Variants in ZBTB38 observed in about 807,000 individuals in gnomAD.
ZBTB38 encodes zinc finger and BTB domain-containing protein 38.
A neutral mutation model predicts 76.8 loss-of-function variants in ZBTB38; 20 were observed. The ratio of observed to expected loss-of-function variants is 0.26; its 90% CI spans 0.18 to 0.38. The LOEUF (loss-of-function observed/expected upper bound fraction) is 0.38, where lower values mean the gene tolerates loss of function less well. Among genes scored for constraint, ZBTB38 ranks in the 10% least tolerant of loss-of-function variants. The pLI is 1.00. For missense variants in ZBTB38, 1,082 were observed against 1,482.3 expected (o/e 0.73, Z 4.43); for synonymous variants, 504 against 544.2 (o/e 0.93, Z 1.03).
intron 1 of ZBTB38, among the ~76,000 whole-genome samples, chr3:141,357,492 GTCA>G (rs1943695197): frequency 6.6e-6 from 1 of 152,010 alleles, no homozygotes; most frequent in African/African-American, 2.4e-5. Context: ...TGGTATTTTT[GTCA>G]TCTTTTGTTT....
At chr3:141,392,596 G>A (rs1047153553) in intron 4 of ZBTB38, 1 of 152,244 alleles carries the variant, frequency 6.6e-6, no homozygotes, top group Non-Finnish European at 1.5e-5. Context: ...TGGACTTTGT[G>A]TCTTGACCTC....
chr3:141,324,513 C>G (rs1007104308), intron 1 of ZBTB38: 1 of 152,186 alleles, frequency 6.6e-6, no homozygotes, highest in African/African-American at 2.4e-5. Flanking sequence ...TGCTTTCCTT[C>G]TCATGAATTC....
At chr3:141,373,228 A>T (rs1463703496) in intron 2 of ZBTB38, among the ~76,000 whole-genome samples, 1 of 152,254 alleles carries the variant, frequency 6.6e-6, no homozygotes, top group Non-Finnish European at 1.5e-5. Context: ...GGGAAAAGTT[A>T]GACTTTGTTG....
chr3:141,406,520 CTG>C (rs768563920), intron 5 of ZBTB38, among the ~76,000 whole-genome samples: 16 of 152,146 alleles, frequency 1.1e-4, no homozygotes, highest in Non-Finnish European at 2.1e-4. Context: ...TTTAGAGGTG[CTG>C]TGTTTGCAGT....
At chr3:141,440,259 C>T (rs2079820210) in intron 5 of ZBTB38, among the ~76,000 whole-genome samples, 1 of 152,214 alleles carries the variant, frequency 6.6e-6, no homozygotes, top group South Asian at 2.1e-4. Flanking sequence ...AGAATTAAAA[C>T]AGAAACATGG....
chr3:141,407,940 C>T (rs1955185947), intron 5 of ZBTB38, among the ~76,000 whole-genome samples: 1 of 152,228 alleles, frequency 6.6e-6, no homozygotes, highest in Non-Finnish European at 1.5e-5. Flanking sequence ...CACCCCGCAT[C>T]ATCTCATTGC....
chr3:141,371,045 C>CTTTCTTTTT (rs1944498561), intron 2 of ZBTB38, among the ~76,000 whole-genome samples: 27 of 72,010 alleles, frequency 3.7e-4, no homozygotes, highest in Non-Finnish European at 6.0e-4. Context: ...TTCTTTCTTT[C>CTTTCTTTTT]TTTTTTTTTT....
At chr3:141,354,254 T>A (rs892846700) in intron 1 of ZBTB38, among the ~76,000 whole-genome samples, 5 of 152,120 alleles carry the variant, frequency 3.3e-5, no homozygotes, top group Non-Finnish European at 7.4e-5. Context: ...CTGCTAATCC[T>A]CTTTAAACCC....
chr3:141,442,381 T>C lies in ZBTB38; in HGVS notation c.1-8T>C. 1 of 1,597,242 alleles carries C rather than the reference T, an allele frequency of 6.3e-7. No homozygotes were observed. The highest frequency in any genetic ancestry group is 8.6e-7 in the Non-Finnish European group (1 of 1,168,382). On this transcript the variant is annotated splice_region_variant and splice_polypyrimidine_tract_variant and intron_variant, in intron 5 of 5. Transcript: ENST00000321464. The surrounding 1 kb of genome is among the most constrained non-coding windows in gnomAD (Gnocchi z 6.4). ...GATTATCTGACCATTTCTCTCCTCT[T>C]GTTTCAGATGACAGTCATGTCCCTT...
At position 141,448,405 on chromosome 3, in the gene ZBTB38, T is replaced by C. The variant is rs759315009; in HGVS notation, c.*2429T>C. 8 of 152,670 alleles carry C rather than the reference T, an allele frequency of 5.2e-5. No individual in the cohort carries two copies. Among genetic ancestry groups the C allele is most frequent in the African/African-American group, 1.2e-4 (5 of 41,476 alleles). 9.5% of individuals were successfully genotyped at this position (152,670 alleles called of 1,614,324 possible). A position where few individuals can be genotyped will look rare whatever the true frequency, so the allele number is the denominator to read the frequency against. On this transcript the variant is annotated 3_prime_UTR_variant, in exon 6 of 6. Transcript: ENST00000321464. The stretch of plus-strand genomic sequence containing the variant: ...TTGTAATTCTGTATATTCTATACAA[T>C]TTATAGCAGAGCCGTTTTAAGACAG...
At chr3:141,375,535 C>T (rs1945245294) in intron 2 of ZBTB38, among the ~76,000 whole-genome samples, 1 of 152,178 alleles carries the variant, frequency 6.6e-6, no homozygotes, top group Non-Finnish European at 1.5e-5. Context: ...TGTGGTGTGC[C>T]CTGATCCCTG....
intron 4 of ZBTB38, among the ~76,000 whole-genome samples, chr3:141,390,676 C>G (rs2149329855): frequency 6.6e-6 from 1 of 152,298 alleles, no homozygotes; most frequent in East Asian, 1.9e-4. Flanking sequence ...TCTAACAGCT[C>G]CTTTCCAAGG....
intron 5 of ZBTB38, among the ~76,000 whole-genome samples, chr3:141,424,765 A>C (rs1021549873): frequency 1.3e-5 from 2 of 151,970 alleles, no homozygotes; most frequent in Non-Finnish European, 2.9e-5. Flanking sequence ...GGTCTGGGGA[A>C]CTCTGGACAC....
upstream of ZBTB38, among the ~76,000 whole-genome samples, chr3:141,364,444 G>A (rs1943902629): frequency 1.3e-5 from 2 of 151,900 alleles, no homozygotes; most frequent in African/African-American, 4.8e-5. Flanking sequence ...TTGGGAGGCT[G>A]AGGCAGGGAG....
At chr3:141,375,928 G>A (rs867751491) in intron 2 of ZBTB38, among the ~76,000 whole-genome samples, 10 of 152,136 alleles carry the variant, frequency 6.6e-5, no homozygotes, top group Non-Finnish European at 1.5e-4. Flanking sequence ...CCTGAGAGGC[G>A]GCAGGCCAGA....
intron 4 of ZBTB38, among the ~76,000 whole-genome samples, chr3:141,390,469 A>G (rs1367477649): frequency 6.6e-6 from 1 of 152,210 alleles, no homozygotes; most frequent in African/African-American, 2.4e-5. Flanking sequence ...CCAAGATTGC[A>G]TCTCTTGCCA....
chr3:141,439,626 C>G lies in ZBTB38; in HGVS notation c.1-2763C>G, dbSNP rs149339730. Among the ~76,000 whole-genome samples, 50 of 152,256 alleles carry G rather than the reference C, an allele frequency of 3.3e-4. No homozygotes were observed. The East Asian group carries it at 7.9e-3, about 24-fold the overall frequency. On this transcript the variant is annotated intron_variant, in intron 5 of 5. Coordinates refer to ENST00000321464, the MANE Select transcript of ZBTB38 (RefSeq NM_001376113.1). ...TGTTCATTAGCCTGATTTGAAATGC[C>G]GTATTCCGCAAATGGAAGCAGAGCC...
intron 4 of ZBTB38, among the ~76,000 whole-genome samples, chr3:141,400,639 TA>T (rs1332274033): frequency 6.6e-6 from 1 of 152,186 alleles, no homozygotes; most frequent in African/African-American, 2.4e-5. Flanking sequence ...GGTAGGAACT[TA>T]GAACTCTGAA....
rs192833316 is a variant in ZBTB38 at position 141,423,588 on chromosome 3, C to T, written c.1-18801C>T. Among the ~76,000 whole-genome samples, 102 of 152,066 alleles carry T rather than the reference C, an allele frequency of 6.7e-4. No individual in the cohort carries two copies. The East Asian group carries it at 9.8e-3, about 15-fold the overall frequency. ...CTGAAGACAAAGATAACTCACTATA[C>T]GGGAAGAAAAAGGATGCCCCACAGA... On this transcript the variant is annotated intron_variant, in intron 5 of 5. Transcript: ENST00000321464.
Sources: gnomAD v4.1 joint callset for allele counts (sites outside exome capture counted in the v4.1 genomes callset) on GRCh38, gnomAD v4.1.1 for gene constraint, Gnocchi (gnomAD v3.1) non-coding constraint, MANE v1.5 for transcripts, NCBI Gene and HGNC (gene_info 2026-07-23, HGNC 2026-07-21) for gene names.